The following LRRC69 variants were observed in gnomAD, a reference collection of about 807,000 sequenced individuals.
The protein encoded by LRRC69 is leucine-rich repeat-containing protein 69.
A neutral mutation model predicts 37.8 loss-of-function variants in LRRC69; 42 were observed. The observed-to-expected ratio is 1.11, with a 90% CI of 0.87 to 1.44. The LOEUF (loss-of-function observed/expected upper bound fraction) is 1.44, where lower values mean the gene tolerates loss of function less well. Among genes scored for constraint, LRRC69 ranks in the 40% most tolerant of loss-of-function variants. LRRC69 has a pLI of 0.00. For synonymous variants in LRRC69, 141 were observed against 143.1 expected, an observed-to-expected ratio of 0.99 and a Z score of 0.11; for missense variants, 357 against 401.9, an observed-to-expected ratio of 0.89 and a Z score of 0.96.
chr8:91,135,309 T>G (rs980294138), intron 4 of LRRC69, among the ~76,000 whole-genome samples: 1 of 152,102 alleles, frequency 6.6e-6, no homozygotes, highest in African/African-American at 2.4e-5. Context: ...ACCGTATGAC[T>G]TAAGGGCTTC....
chr8:91,202,715 G>A (rs1052839185), intron 7 of LRRC69, among the ~76,000 whole-genome samples: 3 of 152,176 alleles, frequency 2.0e-5, no homozygotes, highest in Non-Finnish European at 2.9e-5. Context: ...AAAATACCAC[G>A]TAGTTTACAT....
At chr8:91,165,306 T>C (rs182475070) in intron 5 of LRRC69, among the ~76,000 whole-genome samples, 1 of 151,584 alleles carries the variant, frequency 6.6e-6, no homozygotes, top group East Asian at 2.0e-4. Flanking sequence ...GTCAAGGAAA[T>C]AATTCCAAAC....
chr8:91,203,548 A>G (rs1335856035), intron 7 of LRRC69, among the ~76,000 whole-genome samples: 1 of 151,550 alleles, frequency 6.6e-6, no homozygotes, highest in African/African-American at 2.4e-5. Context: ...GGCCACCACC[A>G]CACCTGGCTT....
chr8:91,153,280 G>A (rs541646521), intron 5 of LRRC69, among the ~76,000 whole-genome samples: 404 of 151,028 alleles, frequency 2.7e-3, no homozygotes, highest in African/African-American at 9.2e-3. Flanking sequence ...AGACTTTAAC[G>A]CCCCACTGTC....
chr8:91,196,343 G>T (rs1053226321), intron 6 of LRRC69, among the ~76,000 whole-genome samples: 10 of 151,794 alleles, frequency 6.6e-5, no homozygotes, highest in African/African-American at 7.3e-5. Context: ...TCTTCTCGAG[G>T]AGTATCTTTG....
At chr8:91,115,075 G>T (rs189657879) in intron 1 of LRRC69, among the ~76,000 whole-genome samples, 3 of 151,730 alleles carry the variant, frequency 2.0e-5, no homozygotes, top group Admixed American at 1.3e-4. Flanking sequence ...AGGTCAAAGG[G>T]CACAAAGTTT....
intron 5 of LRRC69, among the ~76,000 whole-genome samples, chr8:91,176,134 A>ATATATATATATATATTTTTTTTTTTTT: frequency 1.3e-5 from 1 of 75,708 alleles, no homozygotes; most frequent in African/African-American, 6.1e-5. Context: ...ATATATATAT[A>ATATATATATATATATTTTTTTTTTTTT]TTTTTTTTTT....
chr8:91,191,485 A>G (rs1351724673), intron 6 of LRRC69, among the ~76,000 whole-genome samples: 3 of 152,170 alleles, frequency 2.0e-5, no homozygotes, highest in Admixed American at 6.5e-5. Context: ...ATCATTATTG[A>G]CCACTTTTTA....
At chr8:91,162,072 C>T (rs928973061) in intron 5 of LRRC69, among the ~76,000 whole-genome samples, 1 of 151,262 alleles carries the variant, frequency 6.6e-6, no homozygotes, top group African/African-American at 2.4e-5. Context: ...TTCCACAGTT[C>T]CTCTTGTTAT....
Position 91,191,050 on chromosome 8 carries a change from C to G in LRRC69, c.753+1427C>G, listed in dbSNP as rs796307239. ...CAGGATCCTGTCTCAAACCCCCCCCCCCCCAAGTCAAAAAGCAACAACAAC... is the reference window on the plus strand; with the variant it reads ...CAGGATCCTGTCTCAAACCCCCCCCGCCCCAAGTCAAAAAGCAACAACAAC... On this transcript the variant is annotated intron_variant, in intron 6 of 7. Coordinates refer to ENST00000448384, the Ensembl canonical transcript of LRRC69. Among the ~76,000 whole-genome samples, 17 of 143,058 alleles carry G rather than the reference C, an allele frequency of 1.2e-4. 1 individual carries two copies. The highest frequency in any genetic ancestry group is 7.3e-4 in the South Asian group (3 of 4,084). The allele number at this position is 143,058 out of a possible 152,430, so 93.9% of individuals were successfully genotyped here. A position where few individuals can be genotyped will look rare whatever the true frequency, so the allele number is the denominator to read the frequency against.
chr8:91,150,517 G>A (rs1808713891), intron 5 of LRRC69, among the ~76,000 whole-genome samples: 2 of 151,922 alleles, frequency 1.3e-5, no homozygotes, highest in African/African-American at 4.8e-5. Context: ...TTGCGTCAAT[G>A]TTCATCAGGG....
chr8:91,134,486 AT>A (rs1035584129), intron 4 of LRRC69, among the ~76,000 whole-genome samples: 17 of 81,284 alleles, frequency 2.1e-4, no homozygotes, highest in African/African-American at 5.3e-4. Flanking sequence ...AGGAAATTAC[AT>A]TTTTTTTTTC....
chr8:91,129,343 C>T (rs1467704059), intron 3 of LRRC69, among the ~76,000 whole-genome samples: 1 of 151,958 alleles, frequency 6.6e-6, no homozygotes, highest in East Asian at 1.9e-4. Context: ...ACAAGTGTAT[C>T]TCCTATAGAT....
At chr8:91,153,391 C>T (rs1282685146) in intron 5 of LRRC69, among the ~76,000 whole-genome samples, 1 of 151,354 alleles carries the variant, frequency 6.6e-6, no homozygotes, top group Non-Finnish European at 1.5e-5. Context: ...ACTTTCCACC[C>T]CCAAACAACA....
intron 1 of LRRC69, among the ~76,000 whole-genome samples, chr8:91,103,758 C>T (rs1323250608): frequency 2.0e-5 from 3 of 151,884 alleles, no homozygotes; most frequent in East Asian, 1.9e-4. Context: ...TACAAAGTCC[C>T]CCTTCATTAG....
chr8:91,196,319 T>C lies in LRRC69; in HGVS notation c.754-4294T>C, dbSNP rs572336717. The stretch of plus-strand genomic sequence containing the variant: ...AAGTTTGGTGAATCTGACAATTATG[T>C]GTCTTGGAGTTGCTCTTCTCGAGGA... On this transcript the variant is annotated intron_variant, in intron 6 of 7. Coordinates refer to ENST00000448384, the Ensembl canonical transcript of LRRC69. Among the ~76,000 whole-genome samples the C allele has an allele frequency of 1.1e-4, 17 of 151,918 alleles. No individual in the cohort carries two copies. The South Asian group carries it at 3.3e-3, about 30-fold the overall frequency.
chr8:91,124,443 A>T, intron 1 of LRRC69, 50 bp from the exon 2 acceptor site: 2 of 1,397,322 alleles, frequency 1.4e-6, no homozygotes, highest in Non-Finnish European at 9.4e-7. Flanking sequence ...TCTTTTTTTC[A>T]TTTGAAGTTG....
intron 3 of LRRC69, among the ~76,000 whole-genome samples, chr8:91,127,546 T>A (rs1388051002): frequency 7.5e-6 from 1 of 132,694 alleles, no homozygotes; most frequent in Non-Finnish European, 1.5e-5. Context: ...ACTAAGGATT[T>A]AAAACTGCAA....
chr8:91,184,006 C>A (rs1490739551), intron 5 of LRRC69, among the ~76,000 whole-genome samples: 2 of 152,066 alleles, frequency 1.3e-5, no homozygotes, highest in Admixed American at 1.3e-4. Context: ...TGAGGCTTGG[C>A]ACGTGTCTCA....
Sources: allele counts gnomAD v4.1 joint callset (sites outside exome capture counted in the v4.1 genomes callset), GRCh38; gene constraint gnomAD v4.1.1; transcripts MANE v1.5; gene names NCBI Gene and HGNC (gene_info 2026-07-23, HGNC 2026-07-21).